Variants in EXTL3 observed in about 807,000 individuals in gnomAD.
EXTL3 encodes the protein exostosin like glycosyltransferase 3.
Under a neutral mutation model 69.3 loss-of-function variants are expected in EXTL3, and 27 were observed. The observed-to-expected ratio is 0.39, with a 90% CI of 0.29 to 0.54. The LOEUF is 0.54. Among genes scored for constraint, EXTL3 ranks in the 20% least tolerant of loss-of-function variants. The pLI, the probability that EXTL3 is intolerant of heterozygous loss-of-function variation, is 0.69. For missense variants in EXTL3, 1,003 were observed against 1,231.8 expected (o/e 0.81, Z 2.78); for synonymous variants, 511 against 499.4 (o/e 1.02, Z -0.31).
chr8:28,660,526 A>G (rs918561875), intron 1 of EXTL3, among the ~76,000 whole-genome samples: 3 of 152,104 alleles, frequency 2.0e-5, no homozygotes, highest in African/African-American at 7.2e-5. Flanking sequence ...ACACACTCCC[A>G]ATTTTTATTG....
At position 28,717,434 on chromosome 8, in the gene EXTL3, G is replaced by A; in HGVS notation, c.1375G>A (p.Ala459Thr). The A allele has an allele frequency of 1.2e-6, 2 of 1,614,154 alleles. No homozygotes were observed. The highest frequency in any genetic ancestry group is 1.7e-6 in the Non-Finnish European group (2 of 1,180,026). The change falls in exon 3 of 7, where the codon GCC becomes ACC. Residue 459 changes from alanine (A) to threonine (T), a missense_variant. By Grantham distance (58) the Ala-to-Thr change is moderately conservative. This residue lies in a region of EXTL3 where 742 missense variants were observed against 815.4 expected (regional missense o/e 0.91). Coordinates refer to ENST00000220562, the MANE Select transcript of EXTL3 (RefSeq NM_001440.4). This position sits in a 1 kb window ranked among gnomAD's most constrained non-coding sequence, Gnocchi z 8.3. ...TRLFEALEVGAVPVVLGEQVQ... is the reference protein window; with the variant it reads ...TRLFEALEVGTVPVVLGEQVQ... ...GCTCTTCGAAGCCCTGGAAGTCGGT[G>A]CCGTCCCGGTGGTGCTGGGGGAGCA...
At chr8:28,665,182 A>G (rs1807176856) in intron 1 of EXTL3, among the ~76,000 whole-genome samples, 1 of 143,264 alleles carries the variant, frequency 7.0e-6, no homozygotes, top group African/African-American at 2.6e-5. Context: ...AGTGATTCTC[A>G]TGCCTCAGCC....
intron 3 of EXTL3, among the ~76,000 whole-genome samples, chr8:28,729,043 C>G (rs1801473552): frequency 6.6e-6 from 1 of 152,076 alleles, no homozygotes; most frequent in African/African-American, 2.4e-5. Flanking sequence ...TGCCTGTAAT[C>G]CCAGCACTTT....
At chr8:28,645,054 A>G (rs1281845212) in intron 1 of EXTL3, among the ~76,000 whole-genome samples, 1 of 151,868 alleles carries the variant, frequency 6.6e-6, no homozygotes, top group Non-Finnish European at 1.5e-5. Flanking sequence ...TTTTCTTCTT[A>G]ATTTGGGGGA....
chr8:28,702,622 A>G (rs1426083585), intron 1 of EXTL3, among the ~76,000 whole-genome samples: 1 of 122,514 alleles, frequency 8.2e-6, no homozygotes, highest in African/African-American at 3.2e-5. Context: ...TCCCTTTTTA[A>G]AAACTCTAAA....
chr8:28,671,104 G>T (rs190950772), intron 1 of EXTL3, among the ~76,000 whole-genome samples: 1 of 151,246 alleles, frequency 6.6e-6, no homozygotes, highest in African/African-American at 2.4e-5. Flanking sequence ...CCTCTGCCTC[G>T]CCAGTAGTTG....
In EXTL3 at chr8:28,623,953, T is replaced by G. The variant is rs1447185008; in HGVS notation, c.-53+1143T>G. 6.6e-6 allele frequency among the ~76,000 whole-genome samples: 1 copy of G among 152,194 alleles called. No homozygotes were observed. The highest frequency in any genetic ancestry group is 2.4e-5 in the African/African-American group (1 of 41,448). On this transcript the variant is annotated intron_variant, in intron 1 of 6. Transcript: ENST00000523149. The surrounding 1 kb of genome is among the most constrained non-coding windows in gnomAD (Gnocchi z 4.2). ...TTATATTTATTGTTCATTCCAAGTC[T>G]AAAATGCTAGCAATGAACTCACATT...
At chr8:28,618,490 C>T (rs1291192282), upstream of EXTL3, among the ~76,000 whole-genome samples, 3 of 152,006 alleles carry the variant, frequency 2.0e-5, no homozygotes, top group Non-Finnish European at 4.4e-5. Flanking sequence ...ATGAAGTCAC[C>T]CAGGGCTGGC....
At chr8:28,731,789 G>A (rs1348003028) in intron 4 of EXTL3, among the ~76,000 whole-genome samples, 3 of 152,084 alleles carry the variant, frequency 2.0e-5, no homozygotes, top group African/African-American at 7.2e-5. Flanking sequence ...AACAGTGCCA[G>A]GATCCTGGAC....
At chr8:28,679,890 A>G (rs559797673) in intron 1 of EXTL3, among the ~76,000 whole-genome samples, 63 of 152,326 alleles carry the variant, frequency 4.1e-4, no homozygotes, top group Non-Finnish European at 7.5e-4. Flanking sequence ...TCTTGCATCA[A>G]GAAGCTGTCA....
intron 1 of EXTL3, among the ~76,000 whole-genome samples, chr8:28,682,128 T>C (rs762399355): frequency 1.2e-4 from 19 of 152,230 alleles, no homozygotes; most frequent in Admixed American, 2.0e-4. Flanking sequence ...TTTTTGATAA[T>C]GGCTATTCTA....
chr8:28,704,756 C>T (rs187327988), intron 1 of EXTL3, among the ~76,000 whole-genome samples: 1 of 152,120 alleles, frequency 6.6e-6, no homozygotes, highest in African/African-American at 2.4e-5. Context: ...TGCAAACTTC[C>T]GCCTCCCAGG....
intron 4 of EXTL3, among the ~76,000 whole-genome samples, chr8:28,732,522 A>G (rs1305080066): frequency 3.3e-5 from 5 of 152,166 alleles, no homozygotes; most frequent in Admixed American, 3.3e-4. Context: ...ACTGAAAGAA[A>G]CCCTGTACCT....
At chr8:28,741,483 C>T (rs143925499) in intron 5 of EXTL3, 1 of 152,014 alleles carries the variant, frequency 6.6e-6, no homozygotes, top group Non-Finnish European at 1.5e-5. Context: ...GACGGAATCT[C>T]ACTGTCACCC....
chr8:28,728,715 G>A (rs1801466697), intron 3 of EXTL3, among the ~76,000 whole-genome samples: 1 of 152,072 alleles, frequency 6.6e-6, no homozygotes, highest in Admixed American at 6.6e-5. Context: ...GCCAGAACGT[G>A]TCTCTACAAG....
chr8:28,638,847 T>A (rs975316219), intron 1 of EXTL3, among the ~76,000 whole-genome samples: 1 of 152,038 alleles, frequency 6.6e-6, no homozygotes, highest in Non-Finnish European at 1.5e-5. Flanking sequence ...GCCAAGTTGG[T>A]CTTGAACTCC....
At chr8:28,726,565 G>A (rs1156724024) in intron 3 of EXTL3, among the ~76,000 whole-genome samples, 3 of 152,088 alleles carry the variant, frequency 2.0e-5, no homozygotes. Context: ...TTTCAGCAGT[G>A]GCACAGTGAC....
At chr8:28,616,244 A>G (rs1393384484) in intron 2 of EXTL3, among the ~76,000 whole-genome samples, 1 of 152,022 alleles carries the variant, frequency 6.6e-6, no homozygotes, top group Non-Finnish European at 1.5e-5. Flanking sequence ...GGTGGAGGGA[A>G]ATGGGGGAGG....
intron 1 of EXTL3, among the ~76,000 whole-genome samples, chr8:28,625,328 A>G (rs548888095): frequency 6.6e-6 from 1 of 152,358 alleles, no homozygotes; most frequent in Admixed American, 6.5e-5. Flanking sequence ...AGAACCATAA[A>G]GACATGAGTA....
Sources: allele counts gnomAD v4.1 joint callset (sites outside exome capture counted in the v4.1 genomes callset), GRCh38; gene constraint gnomAD v4.1.1; regional missense constraint gnomAD v4.1.1; non-coding constraint Gnocchi (gnomAD v3.1); transcripts MANE v1.5; gene names NCBI Gene and HGNC (gene_info 2026-07-23, HGNC 2026-07-21).